BCKDHB: variants seen among roughly 807,000 people sequenced by gnomAD.
BCKDHB encodes the protein 2-oxoisovalerate dehydrogenase subunit beta, mitochondrial.
Under a neutral mutation model 48.5 loss-of-function variants are expected in BCKDHB, and 41 were observed. The ratio of observed to expected loss-of-function variants is 0.85; its 90% CI spans 0.66 to 1.10. The LOEUF is 1.10. Among genes scored for constraint, BCKDHB ranks in the 50% least tolerant of loss-of-function variants. The pLI is 0.00. For missense variants in BCKDHB, 496 were observed against 494.2 expected (o/e 1.00, Z -0.03); for synonymous variants, 201 against 174.8 (o/e 1.15, Z -1.18).
At chr6:80,385,419 C>T in the BCKDHB span, among the ~76,000 whole-genome samples, 2 of 152,172 alleles carry the variant, frequency 1.3e-5, no homozygotes, top group South Asian at 2.1e-4. Flanking sequence ...ACTTGGAATG[C>T]GGATGTGTGG....
At chr6:80,236,596 C>T (rs1776156551) in intron 8 of BCKDHB, among the ~76,000 whole-genome samples, 1 of 152,110 alleles carries the variant, frequency 6.6e-6, no homozygotes, top group Non-Finnish European at 1.5e-5. Flanking sequence ...TCATTTATTC[C>T]TTACATTAGC....
At chr6:80,408,717 T>C in the BCKDHB span, among the ~76,000 whole-genome samples, 1 of 152,118 alleles carries the variant, frequency 6.6e-6, no homozygotes, top group African/African-American at 2.4e-5. Flanking sequence ...TCTTATCATT[T>C]TTTATTGCAT....
the BCKDHB span, among the ~76,000 whole-genome samples, chr6:80,359,027 G>T: frequency 6.6e-6 from 1 of 152,154 alleles, no homozygotes; most frequent in Non-Finnish European, 1.5e-5. Flanking sequence ...GATTTACTCT[G>T]GGGCTTTTTC....
In BCKDHB at chr6:80,157,455, G is replaced by C. The variant is rs113526308; in HGVS notation, c.344-10223G>C. On this transcript the variant is annotated intron_variant, in intron 3 of 9. Transcript: ENST00000320393. ...TTCTAGGCACTGGAGATTATTGGGT[G>C]AGAATTTTTTTTTTTTTTTTTTTTT... is the stretch of plus-strand genomic sequence containing the variant. Among the ~76,000 whole-genome samples the C allele has an allele frequency of 8.6e-3, 1,229 of 143,222 alleles. 10 individuals are homozygous for C. The highest frequency in any genetic ancestry group is 0.014 in the Non-Finnish European group (936 of 66,414). 94.0% of individuals were successfully genotyped at this position (143,222 alleles called of 152,430 possible). A position where few individuals can be genotyped will look rare whatever the true frequency, so the allele number is the denominator to read the frequency against.
chr6:80,119,563 C>T (rs1386620778), intron 1 of BCKDHB, among the ~76,000 whole-genome samples: 7 of 151,976 alleles, frequency 4.6e-5, no homozygotes, highest in African/African-American at 9.7e-5. Context: ...TCAAGTGATC[C>T]GCACCCCCCT....
rs199738863 is a variant in BCKDHB, at chr6:80,171,313, A to G, written c.665A>G (p.Lys222Arg). The G allele has an allele frequency of 3.1e-6, 5 of 1,608,978 alleles. No homozygotes were observed. The highest frequency in any genetic ancestry group is 4.2e-6 in the Non-Finnish European group (5 of 1,177,816). Residue 222 changes from lysine to arginine, a missense_variant, in exon 6 of 10, where the codon AAA becomes AGA. Physicochemically the swap from Lys to Arg is conservative, Grantham distance 26 (BLOSUM62 2). Coordinates refer to ENST00000320393, the MANE Select transcript of BCKDHB (RefSeq NM_183050.4). ...ATACCCAGAAGCCCTTTCCAGGCCA[A>G]AGGACTTCTTTTGTCATGCATAGAG... The part of the protein sequence containing the change: ...VVIPRSPFQA[K>R]GLLLSCIEDK...
chr6:80,259,611 A>G (rs1261192974), intron 8 of BCKDHB, among the ~76,000 whole-genome samples: 2 of 152,206 alleles, frequency 1.3e-5, no homozygotes, highest in East Asian at 3.8e-4. Flanking sequence ...AGATTTATAA[A>G]TGATTTCTTA....
intron 9 of BCKDHB, among the ~76,000 whole-genome samples, chr6:80,340,502 G>T (rs528732731): frequency 6.6e-6 from 1 of 152,282 alleles, no homozygotes; most frequent in African/African-American, 2.4e-5. Flanking sequence ...CCCGTTTCTA[G>T]CCCATATTCT....
intron 9 of BCKDHB, among the ~76,000 whole-genome samples, chr6:80,288,098 T>C (rs201151818): frequency 1.3e-5 from 2 of 152,056 alleles, no homozygotes; most frequent in South Asian, 2.1e-4. Context: ...AAAGCTTTTT[T>C]TTTCCAAATT....
chr6:80,265,722 T>G (rs1777487696), intron 8 of BCKDHB, among the ~76,000 whole-genome samples: 1 of 152,112 alleles, frequency 6.6e-6, no homozygotes, highest in Non-Finnish European at 1.5e-5. Context: ...TATGGAATTT[T>G]TCAGTCAGCT....
At chr6:80,438,432 T>A in the BCKDHB span, among the ~76,000 whole-genome samples, 1 of 152,186 alleles carries the variant, frequency 6.6e-6, no homozygotes, top group Non-Finnish European at 1.5e-5. Flanking sequence ...TACATGCATG[T>A]TTTTACATGT....
the BCKDHB span, among the ~76,000 whole-genome samples, chr6:80,420,706 A>T: frequency 6.6e-6 from 1 of 151,718 alleles, no homozygotes; most frequent in Admixed American, 6.5e-5. Context: ...GTTGCTATGT[A>T]CTCCTGTCCC....
chr6:80,302,087 A>G (rs1187947036), intron 9 of BCKDHB, among the ~76,000 whole-genome samples: 2 of 152,166 alleles, frequency 1.3e-5, no homozygotes, highest in Non-Finnish European at 2.9e-5. Context: ...TGAGAACCGG[A>G]ACAAGACAAG....
At chr6:80,353,925 A>T in the BCKDHB span, among the ~76,000 whole-genome samples, 1 of 152,186 alleles carries the variant, frequency 6.6e-6, no homozygotes, top group Non-Finnish European at 1.5e-5. Flanking sequence ...TTTAATTTGC[A>T]TTTCTATGAT....
chr6:80,221,925 C>T (rs1343944990), intron 8 of BCKDHB, among the ~76,000 whole-genome samples: 4 of 152,162 alleles, frequency 2.6e-5, no homozygotes, highest in African/African-American at 7.2e-5. Context: ...TGTATCCTTC[C>T]AATGGCGTTT....
chr6:80,226,596 AT>A (rs1325079176), intron 8 of BCKDHB, among the ~76,000 whole-genome samples: 1 of 152,152 alleles, frequency 6.6e-6, no homozygotes, highest in East Asian at 1.9e-4. Context: ...AATATTTCCC[AT>A]TTCTTGATTT....
At chr6:80,216,009 G>A (rs967973086) in intron 8 of BCKDHB, among the ~76,000 whole-genome samples, 3 of 152,084 alleles carry the variant, frequency 2.0e-5, no homozygotes, top group African/African-American at 7.2e-5. Context: ...CAAAGTGCTG[G>A]GATTACAGAC....
At chr6:80,275,431 A>G (rs1428841048) in intron 9 of BCKDHB, among the ~76,000 whole-genome samples, 1 of 152,082 alleles carries the variant, frequency 6.6e-6, no homozygotes, top group Non-Finnish European at 1.5e-5. Context: ...ACTTGAGACA[A>G]TAGTGTAATA....
chr6:80,107,543 G>T (rs1397423440), intron 1 of BCKDHB, among the ~76,000 whole-genome samples: 1 of 106,606 alleles, frequency 9.4e-6, no homozygotes, highest in African/African-American at 5.1e-5. Context: ...ATATATATAT[G>T]CACACATATA....
Sources: allele counts gnomAD v4.1 joint callset (sites outside exome capture counted in the v4.1 genomes callset), GRCh38; gene constraint gnomAD v4.1.1; transcripts MANE v1.5; gene names NCBI Gene and HGNC (gene_info 2026-07-23, HGNC 2026-07-21).